Variants in MAD2L1BP observed in about 807,000 individuals in gnomAD.
MAD2L1BP encodes the protein MAD2L1 binding protein.
Under a neutral mutation model 28.4 loss-of-function variants are expected in MAD2L1BP, and 22 were observed. That is an observed-to-expected ratio of 0.77 (90% CI 0.55 to 1.10). MAD2L1BP has a LOEUF of 1.10. Among genes scored for constraint, MAD2L1BP ranks in the 50% least tolerant of loss-of-function variants. MAD2L1BP has a pLI of 0.00. For synonymous variants in MAD2L1BP, 146 were observed against 133.7 expected (o/e 1.09, Z -0.63); for missense variants, 325 against 350.5 (o/e 0.93, Z 0.58).
chr6:43,635,726 A>T, upstream of MAD2L1BP: 1 of 715,044 alleles, frequency 1.4e-6, no homozygotes, highest in Non-Finnish European at 2.2e-6. Flanking sequence ...CGCAGGGTTC[A>T]AATCCCAGCT....
At chr6:43,634,630 A>G (rs1346985572), upstream of MAD2L1BP, among the ~76,000 whole-genome samples, 1 of 151,730 alleles carries the variant, frequency 6.6e-6, no homozygotes, top group Admixed American at 6.6e-5. Context: ...GTGCGATCTC[A>G]GCTCACTGCA....
Position 43,635,868 on chromosome 6 carries a change from A to G in MAD2L1BP, c.-8A>G, listed in dbSNP as rs1770180200. The G allele has an allele frequency of 5.4e-6, 8 of 1,475,778 alleles. No homozygotes were observed. Among genetic ancestry groups the G allele is most frequent in the Non-Finnish European group, 7.1e-6 (8 of 1,119,938 alleles). 91.4% of individuals were successfully genotyped at this position (1,475,778 alleles called of 1,614,324 possible). On this transcript the variant is annotated 5_prime_UTR_variant, in exon 1 of 3. Coordinates refer to ENST00000372171, the MANE Select transcript of MAD2L1BP (RefSeq NM_014628.3). ...CTAACCGCAAGGAGTAGCGGAGGGGAGGTCGTGATGGCGGCGCCGGAGGCG... is the reference window on the plus strand; with the variant it reads ...CTAACCGCAAGGAGTAGCGGAGGGGGGGTCGTGATGGCGGCGCCGGAGGCG...
upstream of MAD2L1BP, among the ~76,000 whole-genome samples, chr6:43,632,662 C>CTTTT (rs775956301): frequency 2.8e-5 from 3 of 107,358 alleles, no homozygotes; most frequent in African/African-American, 3.5e-5. Flanking sequence ...TGACACTTGT[C>CTTTT]TTTTTTTTTT....
intron 2 of MAD2L1BP, among the ~76,000 whole-genome samples, chr6:43,637,155 C>G (rs910224407): frequency 6.6e-6 from 1 of 152,128 alleles, no homozygotes; most frequent in Non-Finnish European, 1.5e-5. Context: ...GCCTCCATGT[C>G]CCAGGTTCAA....
intron 1 of MAD2L1BP, 33 bp from the exon 2 acceptor site, chr6:43,636,348 T>C: frequency 6.2e-7 from 1 of 1,607,034 alleles, no homozygotes; most frequent in Non-Finnish European, 8.5e-7. Context: ...AGGTTTTTAA[T>C]TTTTCTCTCT....
Position 43,635,924 on chromosome 6 carries a change from A to G in MAD2L1BP, c.46+3A>G. ...TCTGTCCTCAGCCGCAGTCCCTGGT[A>G]AGGCGTGGGGCCAAGAGTTTGGGGA... On this transcript the variant is annotated splice_donor_region_variant and intron_variant, in intron 1 of 2. Coordinates refer to ENST00000372171, the MANE Select transcript of MAD2L1BP (RefSeq NM_014628.3). 1 of 1,510,602 alleles carries G rather than the reference A, an allele frequency of 6.6e-7. No individual in the cohort carries two copies. The highest frequency in any genetic ancestry group is 2.0e-4 in the Middle Eastern group (1 of 4,906). 93.6% of individuals were successfully genotyped at this position (1,510,602 alleles called of 1,614,324 possible).
At chr6:43,635,769 GCGCCTTTTTTCCGACC>G (rs1770170627), upstream of MAD2L1BP, 2 of 1,191,110 alleles carry the variant, frequency 1.7e-6, no homozygotes, top group Non-Finnish European at 2.2e-6. Context: ...CGGCGACGCC[GCGCCTTTTTTCCGACC>G]CAACTGAGCC....
chr6:43,630,783 TCTGTGGTCCCAG>T (rs1466533998), intron 1 of MAD2L1BP, among the ~76,000 whole-genome samples: 1 of 144,516 alleles, frequency 6.9e-6, no homozygotes, highest in Non-Finnish European at 1.5e-5. Context: ...ATGGTGCACA[TCTGTGGTCCCAG>T]CTGCTCGGGA....
chr6:43,632,589 T>G (rs1199386164), upstream of MAD2L1BP, among the ~76,000 whole-genome samples: 1 of 151,850 alleles, frequency 6.6e-6, no homozygotes, highest in Non-Finnish European at 1.5e-5. Flanking sequence ...TGTACTTTTA[T>G]AGTATGTTTT....
At chr6:43,636,900 CAG>C (rs1770258248) in intron 2 of MAD2L1BP, 2 of 484,940 alleles carry the variant, frequency 4.1e-6, no homozygotes, top group African/African-American at 1.9e-5. Context: ...TCTTTTGAGA[CAG>C]AGTCTTGCTC....
At chr6:43,630,572 G>A (rs9472092) in intron 1 of MAD2L1BP, among the ~76,000 whole-genome samples, 64,694 of 151,728 alleles carry the variant, frequency 0.43, 14,755 homozygotes, top group East Asian at 0.6. Context: ...GCGAAACCCC[G>A]TCTCTACTAA....
At chr6:43,630,866 G>C (rs969284519), upstream of MAD2L1BP, among the ~76,000 whole-genome samples, 2 of 135,742 alleles carry the variant, frequency 1.5e-5, no homozygotes, top group African/African-American at 3.0e-5. Context: ...CTGAGATCAT[G>C]CCACTGCACT....
rs751475442 is a variant in MAD2L1BP, at chr6:43,640,525, C to T, written c.817C>T (p.Arg273Cys). The T allele has an allele frequency of 1.8e-5, 29 of 1,579,476 alleles. No homozygotes were observed. The Admixed American group carries it at 2.9e-4, about 16-fold the overall frequency. ...FQAPVTFKGF[R>C]E ...GGCACCAGTGACATTTAAAGGCTTC[C>T]GCGAGTGAATGAGTGCTTCTTAATC... Residue 273 changes from arginine (R) to cysteine (C), a missense_variant, in exon 3 of 3, where the codon CGC becomes TGC. Physicochemically the swap from Arg to Cys is radical, Grantham distance 180. Transcript: ENST00000372171.
chr6:43,632,349 A>G (rs1354218941), upstream of MAD2L1BP, among the ~76,000 whole-genome samples: 3 of 149,916 alleles, frequency 2.0e-5, no homozygotes, highest in African/African-American at 7.4e-5. Context: ...GCAACCTCCA[A>G]CCCTAGAGAG....
Position 43,640,257 on chromosome 6 carries a change from A to T in MAD2L1BP, c.549A>T (p.Thr183=). 6.2e-7 allele frequency: 1 copy of T among 1,613,856 alleles called. No individual in the cohort carries two copies. Residue 183 remains threonine, a synonymous_variant, in exon 3 of 3, where the codon ACA becomes ACT. Transcript: ENST00000372171. ...APYSVDQSLS[T]AACLRRLFRA... ...ACAGCGTGGACCAGAGCCTGAGCACAGCAGCTTGTTTGCGCCGTCTCTTCC... is the reference window on the plus strand; with the variant it reads ...ACAGCGTGGACCAGAGCCTGAGCACTGCAGCTTGTTTGCGCCGTCTCTTCC...
intron 1 of MAD2L1BP, among the ~76,000 whole-genome samples, chr6:43,630,260 A>G (rs1283720042): frequency 6.6e-6 from 1 of 152,184 alleles, no homozygotes; most frequent in East Asian, 1.9e-4. Context: ...ACATACATTC[A>G]GCGACATAAG....
chr6:43,633,396 TCCCGA>T, upstream of MAD2L1BP: 1 of 282,334 alleles, frequency 3.5e-6, no homozygotes, highest in Non-Finnish European at 7.0e-6. Flanking sequence ...GGTCTCAAAC[TCCCGA>T]CCTCAGGTGA....
At chr6:43,634,473 T>C (rs751671471), upstream of MAD2L1BP, among the ~76,000 whole-genome samples, 1 of 152,160 alleles carries the variant, frequency 6.6e-6, no homozygotes. Flanking sequence ...GGCACCCTGC[T>C]TCCCTCTGTC....
upstream of MAD2L1BP, among the ~76,000 whole-genome samples, chr6:43,634,200 C>CT (rs1459012685): frequency 2.8e-4 from 39 of 140,530 alleles, no homozygotes; most frequent in African/African-American, 5.1e-4. Flanking sequence ...TTCCTCCATC[C>CT]TTTTTTTTTT....
Sources: gnomAD v4.1 joint callset for allele counts (sites outside exome capture counted in the v4.1 genomes callset) on GRCh38, gnomAD v4.1.1 for gene constraint, MANE v1.5 for transcripts, NCBI Gene and HGNC (gene_info 2026-07-23, HGNC 2026-07-21) for gene names.